DENND4C: variants seen among roughly 807,000 people sequenced by gnomAD.
The protein encoded by DENND4C is DENN domain-containing protein 4C.
DENND4C carries 108 observed loss-of-function variants against 203.0 expected under a neutral mutation model. The ratio of observed to expected loss-of-function variants is 0.53; its 90% CI spans 0.46 to 0.62. The LOEUF is 0.62. DENND4C is among the 20% of genes least tolerant of loss of function. The pLI is 0.00. For missense variants in DENND4C, 2,481 were observed against 2,301.2 expected, an observed-to-expected ratio of 1.08 and a Z score of -1.60; for synonymous variants, 871 against 792.4, an observed-to-expected ratio of 1.10 and a Z score of -1.67.
intron 1 of DENND4C, among the ~76,000 whole-genome samples, chr9:19,262,076 CTTTTTTTTTTTTT>C (rs60223074): frequency 7.2e-5 from 4 of 55,448 alleles, no homozygotes; most frequent in East Asian, 7.8e-4. Flanking sequence ...TTTATTAGTT[CTTTTTTTTTTTTT>C]TTTTTTTTTT....
chr9:19,306,797 A>G (rs1382287039), intron 10 of DENND4C, among the ~76,000 whole-genome samples: 1 of 135,476 alleles, frequency 7.4e-6, no homozygotes. Flanking sequence ...ATTTATTTTG[A>G]GACAGAGTCT....
intron 12 of DENND4C, among the ~76,000 whole-genome samples, chr9:19,323,215 A>G (rs1311259007): frequency 6.6e-6 from 1 of 152,140 alleles, no homozygotes; most frequent in Admixed American, 6.5e-5. Flanking sequence ...CGGGCTGATC[A>G]CCTGAGGTCC....
At chr9:19,245,638 C>T (rs763724962) in intron 1 of DENND4C, among the ~76,000 whole-genome samples, 37 of 152,004 alleles carry the variant, frequency 2.4e-4, no homozygotes, top group Non-Finnish European at 1.8e-4. Flanking sequence ...GGGTGGATCA[C>T]GAAGTCAGGG....
Position 19,336,670 on chromosome 9 carries a change from T to C in DENND4C, c.2735-16T>C. 1 of 1,549,524 alleles carries C rather than the reference T, an allele frequency of 6.5e-7. No individual in the cohort carries two copies. Among genetic ancestry groups the C allele is most frequent in the Admixed American group, 2.0e-5 (1 of 50,812 alleles). ...CAATGCATGAGTTATTGAACTGCTA[T>C]TGTCCTTATCTTTAGCTCTTCAAAA... On this transcript the variant is annotated splice_polypyrimidine_tract_variant and intron_variant, in intron 19 of 32. Transcript: ENST00000434457.
At chr9:19,243,361 C>A (rs1403948946) in intron 1 of DENND4C, among the ~76,000 whole-genome samples, 1 of 152,132 alleles carries the variant, frequency 6.6e-6, no homozygotes. Context: ...ACAAAATTAA[C>A]ATAACATGAA....
intron 12 of DENND4C, among the ~76,000 whole-genome samples, chr9:19,320,606 A>G (rs983872584): frequency 1.3e-5 from 2 of 152,238 alleles, no homozygotes; most frequent in African/African-American, 4.8e-5. Context: ...ACTGAATTAA[A>G]CAGTGCAGAT....
At position 19,374,262 on chromosome 9, in the gene DENND4C, A is replaced by G. The variant is rs1829311365; in HGVS notation, c.*2089A>G. ...GCGCTTCCCATTAAAAAAAATCTGT[A>G]AAGATCTCTACCTTGAAAACTTTAG... On this transcript the variant is annotated 3_prime_UTR_variant, in exon 33 of 33. Transcript: ENST00000434457. Among the ~76,000 whole-genome samples, 1 of 152,174 alleles carries G rather than the reference A, an allele frequency of 6.6e-6. No individual in the cohort carries two copies. The highest frequency in any genetic ancestry group is 2.1e-4 in the South Asian group (1 of 4,828).
chr9:19,268,438 C>G (rs1002211903), intron 1 of DENND4C, among the ~76,000 whole-genome samples: 1 of 152,274 alleles, frequency 6.6e-6, no homozygotes, highest in Admixed American at 6.5e-5. Context: ...TTTATTCTTT[C>G]TGTTTGAGAT....
intron 1 of DENND4C, among the ~76,000 whole-genome samples, chr9:19,251,434 C>T (rs949252051): frequency 4.6e-5 from 7 of 152,208 alleles, no homozygotes; most frequent in Non-Finnish European, 1.0e-4. Flanking sequence ...CTGTGAAGAC[C>T]TCTGACATAC....
chr9:19,250,489 A>C (rs188841310), intron 1 of DENND4C, among the ~76,000 whole-genome samples: 63 of 152,150 alleles, frequency 4.1e-4, no homozygotes, highest in African/African-American at 1.5e-3. Flanking sequence ...CAGCCTCCCA[A>C]AGTGTTTAGA....
At chr9:19,337,649 A>T in intron 20 of DENND4C, 1 of 1,288,368 alleles carries the variant, frequency 7.8e-7, no homozygotes, top group South Asian at 1.2e-5. Flanking sequence ...CATTAATTCT[A>T]CCCTTGAATG....
intron 1 of DENND4C, among the ~76,000 whole-genome samples, chr9:19,231,397 C>T (rs559718687): frequency 3.9e-5 from 6 of 152,076 alleles, no homozygotes; most frequent in Non-Finnish European, 8.8e-5. Flanking sequence ...GGCCGATCCT[C>T]AGGGCTTCTT....
intron 1 of DENND4C, among the ~76,000 whole-genome samples, chr9:19,236,380 C>T (rs1029893096): frequency 9.2e-5 from 14 of 152,096 alleles, no homozygotes; most frequent in African/African-American, 3.1e-4. Flanking sequence ...AAACTTACAA[C>T]TTGCTGTAAA....
chr9:19,326,045 G>A lies in DENND4C; in HGVS notation c.1990-19G>A, dbSNP rs1485704499. On this transcript the variant is annotated intron_variant, in intron 14 of 32. Coordinates refer to ENST00000434457, the MANE Select transcript of DENND4C (RefSeq NM_001330640.2). ...CTTGTTTGTATGCAAATTAATTGGG[G>A]AAAAATAATGATTTTCAGGTTGATT... The A allele has an allele frequency of 1.2e-6, 2 of 1,606,212 alleles. No individual in the cohort carries two copies. Among genetic ancestry groups the A allele is most frequent in the Admixed American group, 3.4e-5 (2 of 58,108 alleles).
chr9:19,370,903 A>G (rs1257859060), intron 31 of DENND4C, among the ~76,000 whole-genome samples: 1 of 152,252 alleles, frequency 6.6e-6, no homozygotes, highest in Non-Finnish European at 1.5e-5. Flanking sequence ...AGATAATCTC[A>G]GAAGTGACAG....
chr9:19,336,171 GTATATA>G, intron 18 of DENND4C, 93 bp from the exon 19 acceptor site: 1 of 912,598 alleles, frequency 1.1e-6, no homozygotes, highest in South Asian at 2.8e-5. Flanking sequence ...TTATATTTGT[GTATATA>G]TATATATAAA....
chr9:19,275,123 G>C (rs181383439), intron 1 of DENND4C, among the ~76,000 whole-genome samples: 2,023 of 150,372 alleles, frequency 0.013, 42 homozygotes, highest in African/African-American at 0.047. Context: ...GATTACAGGT[G>C]CCCACCACCA....
intron 10 of DENND4C, among the ~76,000 whole-genome samples, chr9:19,312,247 G>A (rs1173102749): frequency 6.6e-6 from 1 of 152,118 alleles, no homozygotes. Flanking sequence ...GGGATTACAG[G>A]CGTGTACACC....
intron 10 of DENND4C, among the ~76,000 whole-genome samples, chr9:19,306,506 T>A (rs7021292): frequency 1.3e-5 from 2 of 151,942 alleles, no homozygotes; most frequent in Non-Finnish European, 2.9e-5. Context: ...TAGCACACAT[T>A]TTATTGTTTG....
Sources: allele counts gnomAD v4.1 joint callset (sites outside exome capture counted in the v4.1 genomes callset), GRCh38; gene constraint gnomAD v4.1.1; transcripts MANE v1.5; gene names NCBI Gene and HGNC (gene_info 2026-07-23, HGNC 2026-07-21).